The following RIMS1 variants were observed in gnomAD, a reference collection of about 807,000 sequenced individuals.
RIMS1 encodes regulating synaptic membrane exocytosis 1.
Under a neutral mutation model 214.1 loss-of-function variants are expected in RIMS1, and 83 were observed. The observed-to-expected ratio is 0.39, with a 90% CI of 0.32 to 0.47. The LOEUF (loss-of-function observed/expected upper bound fraction) is 0.47, where lower values mean the gene tolerates loss of function less well. Among genes scored for constraint, RIMS1 ranks in the 20% least tolerant of loss-of-function variants. The probability of loss-of-function intolerance (pLI) is 0.99; values close to 1 mark genes in which losing one functional copy is unlikely to be tolerated. For synonymous variants in RIMS1, 793 were observed against 786.8 expected, an observed-to-expected ratio of 1.01 and a Z score of -0.13; for missense variants, 2,050 against 2,161.8, an observed-to-expected ratio of 0.95 and a Z score of 1.03.
intron 4 of RIMS1, among the ~76,000 whole-genome samples, chr6:72,169,126 A>G (rs1384105484): frequency 6.6e-6 from 1 of 152,220 alleles, no homozygotes; most frequent in Non-Finnish European, 1.5e-5. Context: ...TCTGAGCTAG[A>G]AATTATGATT....
chr6:72,158,167 T>C (rs568575400), intron 4 of RIMS1, among the ~76,000 whole-genome samples: 1 of 141,268 alleles, frequency 7.1e-6, no homozygotes, highest in East Asian at 2.0e-4. Flanking sequence ...AAAAACACTC[T>C]TTAGTATTTC....
At chr6:71,977,726 T>C (rs568180710) in intron 2 of RIMS1, among the ~76,000 whole-genome samples, 105 of 151,576 alleles carry the variant, frequency 6.9e-4, no homozygotes, top group Non-Finnish European at 1.2e-3. Context: ...GATGATGGTA[T>C]GTGAAATGGT....
At chr6:71,979,929 T>G (rs191014313) in intron 2 of RIMS1, among the ~76,000 whole-genome samples, 117 of 152,228 alleles carry the variant, frequency 7.7e-4, no homozygotes, top group African/African-American at 2.8e-3. Flanking sequence ...AAGTCAAAAT[T>G]AATGTGAATA....
chr6:72,094,988 G>A (rs9351888), intron 2 of RIMS1, among the ~76,000 whole-genome samples: 50,779 of 150,972 alleles, frequency 0.34, 10,033 homozygotes, highest in South Asian at 0.47. Flanking sequence ...GCCTCGCTCT[G>A]TCACCCAGGC....
At chr6:71,967,978 T>G (rs1794894501) in intron 1 of RIMS1, among the ~76,000 whole-genome samples, 2 of 152,324 alleles carry the variant, frequency 1.3e-5, no homozygotes, top group South Asian at 4.1e-4. Flanking sequence ...ATAATATGAC[T>G]GGCCTTAAAT....
At chr6:72,118,404 G>A (rs562858518) in intron 4 of RIMS1, among the ~76,000 whole-genome samples, 2 of 151,246 alleles carry the variant, frequency 1.3e-5, no homozygotes, top group African/African-American at 4.8e-5. Context: ...GGCACTCAAA[G>A]AATTGGTACC....
At position 72,182,921 on chromosome 6, in the gene RIMS1, A is replaced by G. The variant is rs772371424; in HGVS notation, c.1450A>G (p.Met484Val). The G allele has an allele frequency of 4.4e-6, 7 of 1,582,918 alleles. No homozygotes were observed. Among genetic ancestry groups the G allele is most frequent in the Non-Finnish European group, 6.0e-6 (7 of 1,165,922 alleles). ...CCTGGACCCCAGCTCGGCGGTCCTC[A>G]TGCGGAAGGCCAAGCGCGAGAAGGT... ...SRLDPSSAVL[M>V]RKAKREKVET... The change falls in exon 6 of 34, where the codon ATG (methionine) becomes GTG (valine). Residue 484 changes from methionine to valine, a missense_variant. By Grantham distance (21) the Met-to-Val change is conservative. Coordinates refer to ENST00000521978, the MANE Select transcript of RIMS1 (RefSeq NM_014989.7).
At chr6:71,944,876 A>G (rs547500238) in intron 1 of RIMS1, among the ~76,000 whole-genome samples, 11 of 152,308 alleles carry the variant, frequency 7.2e-5, no homozygotes, top group African/African-American at 2.6e-4. Flanking sequence ...CTGACTTTCA[A>G]TGAATTATTT....
chr6:72,163,019 G>A (rs1407516355), intron 4 of RIMS1, among the ~76,000 whole-genome samples: 1 of 131,314 alleles, frequency 7.6e-6, no homozygotes, highest in Non-Finnish European at 1.8e-5. Context: ...TGACTTTCAG[G>A]TATACCTATC....
chr6:72,089,952 T>C (rs577108314), intron 2 of RIMS1, among the ~76,000 whole-genome samples: 1 of 139,942 alleles, frequency 7.1e-6, no homozygotes, highest in Non-Finnish European at 1.5e-5. Flanking sequence ...TTCTCACTCA[T>C]AGGTGGGAAT....
In RIMS1 at chr6:72,245,800, T is replaced by A; in HGVS notation, c.2082-15T>A. On this transcript the variant is annotated splice_polypyrimidine_tract_variant and intron_variant, in intron 10 of 33. Transcript: ENST00000521978. Reference sequence around the variant, plus strand: ...TTTAACTAATGGGATTTTCACCATATCCTGTTTCTTTTAGTGACATTCCCC... The same window carrying A: ...TTTAACTAATGGGATTTTCACCATAACCTGTTTCTTTTAGTGACATTCCCC... 4 of 1,603,076 alleles carry A rather than the reference T, an allele frequency of 2.5e-6. No individual in the cohort carries two copies. The African/African-American group carries it at 4.0e-5, about 16-fold the overall frequency.
Position 72,333,650 on chromosome 6 carries a change from C to G in RIMS1, c.4181C>G (p.Ser1394Cys), listed in dbSNP as rs1000241986. The change falls in exon 29 of 34, where the codon TCC (serine) becomes TGC (cysteine). Residue 1394 changes from serine (S) to cysteine (C), a missense_variant. Around this residue, in one of 6 missense-constraint regions of RIMS1, gnomAD observed 889 missense variants for 885.5 expected, o/e 1.00. Transcript: ENST00000521978. ...AGACGGATGGGGACTTCAGGAAGAT[C>G]CATCATGAAGAGCACCAGTGTCAGT... is the stretch of plus-strand genomic sequence containing the variant. ...QGRRMGTSGRSIMKSTSVSGE... is the reference protein window; with the variant it reads ...QGRRMGTSGRCIMKSTSVSGE... 5 of 1,597,924 alleles carry G rather than the reference C, an allele frequency of 3.1e-6. No individual in the cohort carries two copies. Among genetic ancestry groups the G allele is most frequent in the South Asian group, 1.1e-5 (1 of 88,168 alleles).
intron 29 of RIMS1, among the ~76,000 whole-genome samples, chr6:72,339,250 G>C (rs1442192935): frequency 6.6e-6 from 1 of 151,552 alleles, no homozygotes; most frequent in East Asian, 1.9e-4. Flanking sequence ...ACTGAGGGAA[G>C]AGTACTTTTT....
chr6:72,070,322 ATAT>A (rs796837053), intron 2 of RIMS1, among the ~76,000 whole-genome samples: 13 of 152,262 alleles, frequency 8.5e-5, no homozygotes, highest in African/African-American at 2.9e-4. Flanking sequence ...ATCATATGAA[ATAT>A]TATTACATTG....
intron 4 of RIMS1, among the ~76,000 whole-genome samples, chr6:72,164,692 A>G (rs1485984903): frequency 6.6e-6 from 1 of 152,214 alleles, no homozygotes; most frequent in African/African-American, 2.4e-5. Flanking sequence ...AATATACCAT[A>G]GATTATGTGG....
chr6:72,027,939 T>C (rs1343512338), intron 2 of RIMS1, among the ~76,000 whole-genome samples: 1 of 152,130 alleles, frequency 6.6e-6, no homozygotes, highest in African/African-American at 2.4e-5. Flanking sequence ...ATTGGAGACA[T>C]CCGTTTTCAT....
intron 1 of RIMS1, among the ~76,000 whole-genome samples, chr6:71,902,086 G>A (rs1371615406): frequency 6.6e-6 from 1 of 152,068 alleles, no homozygotes; most frequent in African/African-American, 2.4e-5. Context: ...AATGGATAAA[G>A]TTAAGAATGT....
At chr6:71,961,477 C>G (rs1792941645) in intron 1 of RIMS1, among the ~76,000 whole-genome samples, 1 of 151,866 alleles carries the variant, frequency 6.6e-6, no homozygotes, top group Non-Finnish European at 1.5e-5. Flanking sequence ...TAAAAAAGAC[C>G]ATCTTCCCTT....
At chr6:72,069,729 A>G (rs1830149054) in intron 2 of RIMS1, among the ~76,000 whole-genome samples, 1 of 152,184 alleles carries the variant, frequency 6.6e-6, no homozygotes, top group African/African-American at 2.4e-5. Flanking sequence ...CTTTGAGCGT[A>G]GGCCAATTGT....
Sources: gnomAD v4.1 joint callset for allele counts (sites outside exome capture counted in the v4.1 genomes callset) on GRCh38, gnomAD v4.1.1 for gene constraint, gnomAD v4.1.1 regional missense constraint, MANE v1.5 for transcripts, NCBI Gene and HGNC (gene_info 2026-07-23, HGNC 2026-07-21) for gene names.